Variants in DIAPH2 observed in about 807,000 individuals in gnomAD.
The protein encoded by DIAPH2 is protein diaphanous homolog 2.
In DIAPH2, 35 loss-of-function variants were observed where a neutral mutation model predicts 92.7. The observed-to-expected ratio is 0.38, with a 90% confidence interval of 0.29 to 0.50. The LOEUF (loss-of-function observed/expected upper bound fraction) is 0.50. DIAPH2 is among the 20% of genes least tolerant of loss of function. The probability of loss-of-function intolerance (pLI) is 0.94; values close to 1 mark genes in which losing one functional copy is unlikely to be tolerated. For missense variants in DIAPH2, 701 were observed against 819.5 expected (o/e 0.86, Z 1.77); for synonymous variants, 301 against 280.4 (o/e 1.07, Z -0.73).
At chrX:96,808,958 G>A (rs1451411752) in intron 4 of DIAPH2, among the ~76,000 whole-genome samples, 2 of 111,453 alleles carry the variant, frequency 1.8e-5, no homozygotes, top group African/African-American at 6.5e-5. Context: ...TATTTTAAAG[G>A]TGTTTTAAGA....
At position 97,124,836 on chromosome X, in the gene DIAPH2, T is replaced by C. The variant is rs376805031; in HGVS notation, c.2589+9871T>C. 7.5e-4 allele frequency among the ~76,000 whole-genome samples: 84 copies of C among 111,955 alleles called. 1 individual carries two copies. The highest frequency in any genetic ancestry group is 2.4e-3 in the African/African-American group (75 of 30,828). On this transcript the variant is annotated intron_variant, in intron 21 of 26. Coordinates refer to ENST00000324765, the MANE Select transcript of DIAPH2 (RefSeq NM_006729.5). Reference sequence around the variant, plus strand: ...TATATGTATATACATGGGACATACTTGCCTTGAGTACTAGTAATGCCTCGT... The same window carrying C: ...TATATGTATATACATGGGACATACTCGCCTTGAGTACTAGTAATGCCTCGT...
intron 25 of DIAPH2, among the ~76,000 whole-genome samples, chrX:97,422,344 G>A (rs1017487284): frequency 6.3e-5 from 7 of 110,745 alleles, no homozygotes; most frequent in African/African-American, 2.3e-4. Flanking sequence ...AAGTGCTCTA[G>A]AAATGTAATG....
At chrX:96,970,981 T>C (rs2065924276) in intron 17 of DIAPH2, among the ~76,000 whole-genome samples, 1 of 112,360 alleles carries the variant, frequency 8.9e-6, no homozygotes, top group Admixed American at 9.4e-5. Flanking sequence ...TGTAAAGGCA[T>C]AAAATTTCTT....
chrX:96,847,183 A>G (rs2064977982), intron 4 of DIAPH2, among the ~76,000 whole-genome samples: 1 of 111,879 alleles, frequency 8.9e-6, no homozygotes, highest in African/African-American at 3.3e-5. Context: ...TCTAATATCT[A>G]AAGAGTTGTG....
intron 26 of DIAPH2, among the ~76,000 whole-genome samples, chrX:97,566,572 C>A (rs1334058559): frequency 1.8e-5 from 2 of 111,552 alleles, no homozygotes; most frequent in Non-Finnish European, 3.8e-5. Context: ...TTATATCAGG[C>A]AGAATGTGTT....
chrX:97,057,320 A>G (rs2066564333), intron 17 of DIAPH2, among the ~76,000 whole-genome samples: 1 of 112,097 alleles, frequency 8.9e-6, no homozygotes, highest in South Asian at 3.7e-4. Context: ...CCTACTAGGA[A>G]CTTAACTATT....
chrX:96,732,236 A>T (rs928386486), intron 1 of DIAPH2, among the ~76,000 whole-genome samples: 1 of 111,812 alleles, frequency 8.9e-6, no homozygotes, highest in Admixed American at 9.5e-5. Context: ...TTTGACTAAT[A>T]TAGAAAGATA....
intron 25 of DIAPH2, among the ~76,000 whole-genome samples, chrX:97,409,097 A>T (rs2069840735): frequency 9.0e-6 from 1 of 111,550 alleles, no homozygotes; most frequent in Admixed American, 9.5e-5. Flanking sequence ...TGGAGAGGAA[A>T]CTCTGATTAT....
At chrX:97,511,165 T>A (rs1484010036) in intron 26 of DIAPH2, among the ~76,000 whole-genome samples, 3 of 95,836 alleles carry the variant, frequency 3.1e-5, no homozygotes, top group Non-Finnish European at 6.3e-5. Context: ...TTCCATTTGT[T>A]TGTATCCTCT....
At chrX:96,983,334 A>G (rs1046260470) in intron 17 of DIAPH2, among the ~76,000 whole-genome samples, 3 of 111,391 alleles carry the variant, frequency 2.7e-5, no homozygotes, top group African/African-American at 9.8e-5. Context: ...TGACTCAGTA[A>G]GCATTGAATT....
intron 15 of DIAPH2, among the ~76,000 whole-genome samples, chrX:96,956,523 G>T (rs1444064810): frequency 8.9e-6 from 1 of 112,040 alleles, no homozygotes; most frequent in African/African-American, 3.2e-5. Context: ...TGCATTGTCA[G>T]TCTGCAAATG....
At chrX:97,109,973 T>C (rs1467264695) in intron 20 of DIAPH2, among the ~76,000 whole-genome samples, 1 of 111,856 alleles carries the variant, frequency 8.9e-6, no homozygotes, top group Admixed American at 9.5e-5. Flanking sequence ...TCATGATAGA[T>C]TAATATCTAG....
intron 22 of DIAPH2, among the ~76,000 whole-genome samples, chrX:97,145,679 T>C: frequency 9.1e-6 from 1 of 110,486 alleles, no homozygotes; most frequent in East Asian, 2.8e-4. Flanking sequence ...TATATCACTG[T>C]TTGGGCCATA....
intron 17 of DIAPH2, among the ~76,000 whole-genome samples, chrX:96,966,967 A>T (rs2065897105): frequency 8.9e-6 from 1 of 111,939 alleles, no homozygotes; most frequent in Admixed American, 9.5e-5. Flanking sequence ...TTGCTTTTTG[A>T]ATATGGAGTG....
Position 97,140,243 on chromosome X carries a change from G to A in DIAPH2, c.2590-1422G>A, listed in dbSNP as rs191762793. Among the ~76,000 whole-genome samples, 66 of 110,802 alleles carry A rather than the reference G, an allele frequency of 6.0e-4. No homozygotes were observed. In the East Asian group the frequency reaches 0.018, roughly 29 times the overall value. On this transcript the variant is annotated intron_variant, in intron 21 of 26. Transcript: ENST00000324765. ...GAATATCCGGCATACTCTTAAAAAC[G>A]ATGCACTTTGTAAACACATCACACA... is the stretch of plus-strand genomic sequence containing the variant.
At chrX:97,176,357 T>C (rs1293628018) in intron 22 of DIAPH2, among the ~76,000 whole-genome samples, 1 of 111,950 alleles carries the variant, frequency 8.9e-6, no homozygotes, top group African/African-American at 3.2e-5. Context: ...TATTATACTA[T>C]AGAAATGTTT....
chrX:97,519,177 C>G (rs1256878295), intron 26 of DIAPH2, among the ~76,000 whole-genome samples: 2 of 111,721 alleles, frequency 1.8e-5, no homozygotes, highest in Non-Finnish European at 3.8e-5. Context: ...TTCGTTTTTG[C>G]TCACAGTGGT....
At chrX:97,302,108 G>A (rs1454755578) in intron 23 of DIAPH2, among the ~76,000 whole-genome samples, 1 of 105,474 alleles carries the variant, frequency 9.5e-6, no homozygotes, top group African/African-American at 3.5e-5. Flanking sequence ...AGCTATTCAG[G>A]AGGTTGAAGC....
chrX:97,332,045 A>G (rs932899665), intron 23 of DIAPH2, among the ~76,000 whole-genome samples: 8 of 112,055 alleles, frequency 7.1e-5, no homozygotes, highest in African/African-American at 2.6e-4. Flanking sequence ...ACCCTGTTTT[A>G]GAGATCATAA....
Sources: allele counts gnomAD v4.1 joint callset (sites outside exome capture counted in the v4.1 genomes callset), GRCh38; gene constraint gnomAD v4.1.1; transcripts MANE v1.5; gene names NCBI Gene and HGNC (gene_info 2026-07-23, HGNC 2026-07-21).